Variants in RYR3 observed in about 807,000 individuals in gnomAD.
The protein encoded by RYR3 is brain ryanodine receptor-calcium release channel.
In RYR3, 207 loss-of-function variants were observed where a neutral mutation model predicts 584.3. The ratio of observed to expected loss-of-function variants is 0.35; its 90% CI spans 0.32 to 0.40. The LOEUF is 0.40. Among genes scored for constraint, RYR3 ranks in the 10% least tolerant of loss-of-function variants. The pLI is 1.00. For missense variants in RYR3, 5,616 were observed against 6,089.2 expected, an observed-to-expected ratio of 0.92 and a Z score of 2.59; for synonymous variants, 2,416 against 2,248.5, an observed-to-expected ratio of 1.07 and a Z score of -2.11.
intron 3 of RYR3, among the ~76,000 whole-genome samples, chr15:33,518,822 A>G (rs942412433): frequency 1.3e-5 from 2 of 152,232 alleles, no homozygotes; most frequent in African/African-American, 4.8e-5. Flanking sequence ...AGCACTGTCC[A>G]AGCATTAGAC....
chr15:33,430,702 C>A (rs1223483406), intron 1 of RYR3, among the ~76,000 whole-genome samples: 3 of 152,218 alleles, frequency 2.0e-5, no homozygotes, highest in Admixed American at 2.0e-4. Context: ...ACAAAACATT[C>A]TTCTGACTCT....
At position 33,699,232 on chromosome 15, in the gene RYR3, G is replaced by C. The variant is rs578089928; in HGVS notation, c.6250-472G>C. 4.2e-5 allele frequency among the ~76,000 whole-genome samples: 5 copies of C among 118,832 alleles called. No homozygotes were observed. In the East Asian group the frequency reaches 1.4e-3, roughly 34 times the overall value. The allele number at this position is 118,832 out of a possible 152,430, so 78.0% of individuals were successfully genotyped here. On this transcript the variant is annotated intron_variant, in intron 40 of 103. Coordinates refer to ENST00000634891, the MANE Select transcript of RYR3 (RefSeq NM_001036.6). Reference sequence around the variant, plus strand: ...ATCACCTGTGTCTGTCTGTCTGTCTGTCTGTCTCTCTCTCTCTCTCTCCCC... The same window carrying C: ...ATCACCTGTGTCTGTCTGTCTGTCTCTCTGTCTCTCTCTCTCTCTCTCCCC...
At chr15:33,553,514 C>G (rs2056841508) in intron 10 of RYR3, among the ~76,000 whole-genome samples, 1 of 152,134 alleles carries the variant, frequency 6.6e-6, no homozygotes, top group Non-Finnish European at 1.5e-5. Context: ...CAAGAACCAA[C>G]CAGCTGCAGT....
At chr15:33,349,698 C>T (rs1972963215) in intron 1 of RYR3, among the ~76,000 whole-genome samples, 1 of 149,214 alleles carries the variant, frequency 6.7e-6, no homozygotes, top group African/African-American at 2.5e-5. Flanking sequence ...CACCCACTAA[C>T]TCGTCATCTA....
intron 16 of RYR3, among the ~76,000 whole-genome samples, chr15:33,600,109 T>C (rs2059585862): frequency 6.6e-6 from 1 of 152,228 alleles, no homozygotes. Context: ...ATGTCTTTCA[T>C]AGAGTGCTAA....
intron 1 of RYR3, among the ~76,000 whole-genome samples, chr15:33,452,205 CATT>C (rs1371729607): frequency 6.6e-5 from 10 of 152,216 alleles, no homozygotes. Context: ...GAATGTTTCT[CATT>C]GTTGGTTCTG....
rs1259709032 is a variant in RYR3, at chr15:33,731,680, G to T, written c.7410G>T (p.Leu2470Phe). The change falls in exon 48 of 104, where the codon TTG becomes TTT. Residue 2470 changes from leucine to phenylalanine, a missense_variant. Around this residue, in one of 9 missense-constraint regions of RYR3, gnomAD observed 1,280 missense variants for 1,426.2 expected, o/e 0.90. Transcript: ENST00000634891. ...KAQRDTIEEC[L>F]LAICNHLRPS... Reference sequence around the variant, plus strand: ...AAAGGGACACTATAGAAGAATGTTTGCTTGCCATTTGCAAGTAAGTACATA... The same window carrying T: ...AAAGGGACACTATAGAAGAATGTTTTCTTGCCATTTGCAAGTAAGTACATA... 1 of 1,609,862 alleles carries T rather than the reference G, an allele frequency of 6.2e-7. No homozygotes were observed. Among genetic ancestry groups the T allele is most frequent in the South Asian group, 1.1e-5 (1 of 90,744 alleles).
At position 33,731,507 on chromosome 15, in the gene RYR3, C is replaced by G. The variant is rs762429634; in HGVS notation, c.7237C>G (p.Leu2413Val). The G allele has an allele frequency of 1.9e-6, 3 of 1,613,480 alleles. No individual in the cohort carries two copies. Among genetic ancestry groups the G allele is most frequent in the Non-Finnish European group, 2.5e-6 (3 of 1,179,674 alleles). ...SLSTTEAALA[L>V]NRYICSAVLP... is the part of the protein sequence containing the mutation. ...AAGCACCACAGAGGCTGCGCTTGCA[C>G]TAAATAGGTATATATGTTCTGCTGT... The change falls in exon 48 of 104, where the codon CTA becomes GTA. Residue 2413 changes from leucine to valine, a missense_variant. Leu to Val is a conservative substitution (Grantham distance 32, BLOSUM62 1). This residue lies in a region of RYR3 where 1,280 missense variants were observed against 1,426.2 expected (regional missense o/e 0.90). Transcript: ENST00000634891.
At chr15:33,482,706 A>T (rs537337270) in intron 2 of RYR3, among the ~76,000 whole-genome samples, 7 of 152,328 alleles carry the variant, frequency 4.6e-5, no homozygotes, top group Non-Finnish European at 1.0e-4. Flanking sequence ...GGCGTGAGTC[A>T]CTGTGCCCAG....
intron 60 of RYR3, among the ~76,000 whole-genome samples, chr15:33,765,863 T>A (rs1451636418): frequency 1.2e-4 from 19 of 152,188 alleles, no homozygotes; most frequent in Admixed American, 1.2e-3. Context: ...TGAAACATCA[T>A]GATGTTTTAA....
intron 2 of RYR3, among the ~76,000 whole-genome samples, chr15:33,485,471 GTGCAAAAT>G (rs1391341506): frequency 6.6e-6 from 1 of 152,138 alleles, no homozygotes; most frequent in Non-Finnish European, 1.5e-5. Context: ...GGTGGTCAGT[GTGCAAAAT>G]TGCCGATACA....
At position 33,801,950 on chromosome 15, in the gene RYR3, A is replaced by C; in HGVS notation, c.10000A>C (p.Lys3334Gln). ...LAFLTGDSKSKMSKAMQVKSG... is the reference protein window; with the variant it reads ...LAFLTGDSKSQMSKAMQVKSG... The stretch of plus-strand genomic sequence containing the variant: ...ATTTTTAACTGGAGACAGCAAAAGC[A>C]AGATGTCAAAAGTAAGTCCTTAGAA... Residue 3334 changes from lysine to glutamine, a missense_variant, in exon 69 of 104, where the codon AAG becomes CAG. Lys to Gln is a moderately conservative substitution (Grantham distance 53). Around this residue, in one of 9 missense-constraint regions of RYR3, gnomAD observed 954 missense variants for 1,132.2 expected, o/e 0.84. Coordinates refer to ENST00000634891, the MANE Select transcript of RYR3 (RefSeq NM_001036.6). 6.3e-7 allele frequency: 1 copy of C among 1,576,562 alleles called. No individual in the cohort carries two copies. Among genetic ancestry groups the C allele is most frequent in the Non-Finnish European group, 8.7e-7 (1 of 1,149,686 alleles).
intron 1 of RYR3, among the ~76,000 whole-genome samples, chr15:33,374,408 C>T (rs2040574532): frequency 6.8e-6 from 1 of 148,014 alleles, no homozygotes; most frequent in Non-Finnish European, 1.5e-5. Context: ...GTATATATAT[C>T]TCCACCCCCA....
chr15:33,667,879 T>C lies in RYR3; in HGVS notation c.5620-1475T>C, dbSNP rs536200823. On this transcript the variant is annotated intron_variant, in intron 36 of 103. Coordinates refer to ENST00000634891, the MANE Select transcript of RYR3 (RefSeq NM_001036.6). ...GAGTTCTAGATCAGCCTGGCCAACA[T>C]GGTGAAACCCCATCTCTACTAAAAA... Among the ~76,000 whole-genome samples, 79 of 152,018 alleles carry C rather than the reference T, an allele frequency of 5.2e-4. 1 individual carries two copies. Among genetic ancestry groups the C allele is most frequent in the African/African-American group, 1.9e-3 (78 of 41,456 alleles).
chr15:33,408,638 T>C (rs1320282072), intron 1 of RYR3, among the ~76,000 whole-genome samples: 1 of 152,234 alleles, frequency 6.6e-6, no homozygotes, highest in Non-Finnish European at 1.5e-5. Flanking sequence ...CATTCCCTTT[T>C]CTCCTCAGCC....
At chr15:33,427,925 T>A (rs2044782097) in intron 1 of RYR3, among the ~76,000 whole-genome samples, 1 of 152,252 alleles carries the variant, frequency 6.6e-6, no homozygotes, top group Non-Finnish European at 1.5e-5. Flanking sequence ...CAGGAAATGC[T>A]CATGTGGGAA....
intron 44 of RYR3, among the ~76,000 whole-genome samples, chr15:33,723,660 G>GA (rs1198913397): frequency 1.3e-5 from 2 of 152,148 alleles, no homozygotes; most frequent in African/African-American, 4.8e-5. Context: ...AGCAACATGA[G>GA]AAAAAAACTG....
At chr15:33,737,348 C>T (rs2069582890) in intron 49 of RYR3, among the ~76,000 whole-genome samples, 1 of 152,138 alleles carries the variant, frequency 6.6e-6, no homozygotes, top group South Asian at 2.1e-4. Flanking sequence ...GGTGGGAGGA[C>T]ACCAGAATCA....
chr15:33,592,091 CAAATG>C (rs1178735885), intron 16 of RYR3, among the ~76,000 whole-genome samples: 1 of 152,174 alleles, frequency 6.6e-6, no homozygotes, highest in Non-Finnish European at 1.5e-5. Flanking sequence ...AAACCAGAAA[CAAATG>C]AACCCCACAA....
Sources: allele counts gnomAD v4.1 joint callset (sites outside exome capture counted in the v4.1 genomes callset), GRCh38; gene constraint gnomAD v4.1.1; regional missense constraint gnomAD v4.1.1; transcripts MANE v1.5; gene names NCBI Gene and HGNC (gene_info 2026-07-23, HGNC 2026-07-21).